The following PM20D2 variants were observed in gnomAD, a reference collection of about 807,000 sequenced individuals.
The protein encoded by PM20D2 is xaa-Arg dipeptidase.
A neutral mutation model predicts 42.9 loss-of-function variants in PM20D2; 33 were observed. The ratio of observed to expected loss-of-function variants is 0.77; its 90% confidence interval spans 0.58 to 1.03. The LOEUF (loss-of-function observed/expected upper bound fraction) is 1.03. Ranked by LOEUF, PM20D2 falls within the 50% of genes least tolerant of loss-of-function variation. The pLI, the probability that PM20D2 is intolerant of heterozygous loss-of-function variation, is 0.00. For missense variants in PM20D2, 548 were observed against 557.0 expected (o/e 0.98, Z 0.16); for synonymous variants, 250 against 228.2 (o/e 1.10, Z -0.86).
the PM20D2 span, among the ~76,000 whole-genome samples, chr6:89,121,254 A>G: frequency 1.5e-3 from 227 of 150,922 alleles, no homozygotes; most frequent in African/African-American, 5.2e-3. Flanking sequence ...AATTATTTAT[A>G]TTACATAAAA....
the PM20D2 span, among the ~76,000 whole-genome samples, chr6:89,108,129 C>G: frequency 6.6e-6 from 1 of 152,148 alleles, no homozygotes; most frequent in African/African-American, 2.4e-5. Context: ...GTATTTCGAG[C>G]CTGCTTATGT....
chr6:89,129,810 G>T, the PM20D2 span, among the ~76,000 whole-genome samples: 2 of 152,028 alleles, frequency 1.3e-5, no homozygotes, highest in South Asian at 4.2e-4. Flanking sequence ...TACCAGGCTG[G>T]TCTCAAACTT....
At chr6:89,130,448 T>C in the PM20D2 span, among the ~76,000 whole-genome samples, 4 of 152,078 alleles carry the variant, frequency 2.6e-5, no homozygotes, top group Non-Finnish European at 4.4e-5. Flanking sequence ...ATAATATGTG[T>C]GCAATTTGAT....
the PM20D2 span, among the ~76,000 whole-genome samples, chr6:89,112,710 C>T: frequency 3.9e-5 from 6 of 151,962 alleles, no homozygotes; most frequent in African/African-American, 7.2e-5. Context: ...CTGAGCCTGG[C>T]CCTAGTCTCA....
intron 6 of PM20D2, 33 bp from the exon 7 acceptor site, chr6:89,162,076 G>A (rs1582356074): frequency 6.3e-7 from 1 of 1,587,256 alleles, no homozygotes. Context: ...GCTTAAATAA[G>A]TAAGGAGGTA....
At chr6:89,103,739 C>T in the PM20D2 span, among the ~76,000 whole-genome samples, 25 of 151,884 alleles carry the variant, frequency 1.6e-4, no homozygotes, top group Non-Finnish European at 3.4e-4. Flanking sequence ...GGATTACAGG[C>T]GTGAGCCACT....
At chr6:89,101,064 G>A in the PM20D2 span, among the ~76,000 whole-genome samples, 2 of 149,734 alleles carry the variant, frequency 1.3e-5, no homozygotes, top group African/African-American at 2.5e-5. Context: ...AGCCAAGATC[G>A]TGCCATTGCA....
the PM20D2 span, among the ~76,000 whole-genome samples, chr6:89,117,635 G>C: frequency 6.6e-6 from 1 of 152,120 alleles, no homozygotes; most frequent in Non-Finnish European, 1.5e-5. Context: ...GGAGGGCGGA[G>C]GCGCGAGTTC....
At position 89,162,684 on chromosome 6, in the gene PM20D2, A is replaced by T. The variant is rs1771285499; in HGVS notation, c.*421A>T. ...TATATTCAGAATTGACACCCATGAG[A>T]GTGTTTTGTGGTATAGGGTGGTAAA... is the stretch of plus-strand genomic sequence containing the variant. On this transcript the variant is annotated 3_prime_UTR_variant, in exon 7 of 7. Transcript: ENST00000275072. The T allele has an allele frequency of 6.4e-6, 1 of 156,568 alleles. No homozygotes were observed. Among genetic ancestry groups the T allele is most frequent in the African/African-American group, 2.4e-5 (1 of 41,438 alleles). 9.7% of individuals were successfully genotyped at this position (156,568 alleles called of 1,614,324 possible).
chr6:89,110,994 C>A, the PM20D2 span, among the ~76,000 whole-genome samples: 1 of 152,036 alleles, frequency 6.6e-6, no homozygotes, highest in Non-Finnish European at 1.5e-5. Flanking sequence ...TGTCTATAAT[C>A]CCAGCTACTT....
At chr6:89,134,918 G>T in the PM20D2 span, among the ~76,000 whole-genome samples, 4 of 151,080 alleles carry the variant, frequency 2.6e-5, no homozygotes, top group Admixed American at 2.6e-4. Flanking sequence ...AAATTACCCT[G>T]CTGTGAGTCA....
At chr6:89,134,183 G>T in the PM20D2 span, among the ~76,000 whole-genome samples, 1 of 150,918 alleles carries the variant, frequency 6.6e-6, no homozygotes, top group Non-Finnish European at 1.5e-5. Flanking sequence ...ACCATTAGAG[G>T]GTAATTAACC....
the PM20D2 span, among the ~76,000 whole-genome samples, chr6:89,134,889 T>C: frequency 6.6e-6 from 1 of 151,138 alleles, no homozygotes; most frequent in Non-Finnish European, 1.5e-5. Context: ...GGCTGATTTC[T>C]TGGGTAGCTC....
the PM20D2 span, among the ~76,000 whole-genome samples, chr6:89,125,087 G>C: frequency 6.6e-6 from 1 of 152,016 alleles, no homozygotes; most frequent in East Asian, 1.9e-4. Flanking sequence ...TGTTTAATAA[G>C]GATATTCTGA....
chr6:89,114,257 G>A, the PM20D2 span, among the ~76,000 whole-genome samples: 288 of 152,140 alleles, frequency 1.9e-3, 3 homozygotes, highest in African/African-American at 6.3e-3. Context: ...ATGAAACCCC[G>A]TCTCTACTAA....
chr6:89,134,285 C>A, the PM20D2 span, among the ~76,000 whole-genome samples: 1 of 151,172 alleles, frequency 6.6e-6, no homozygotes, highest in Non-Finnish European at 1.5e-5. Context: ...TAGCTAAACT[C>A]CTCTACATTC....
chr6:89,162,511 T>TA lies in PM20D2; in HGVS notation c.*249dup, dbSNP rs1554187708. ...TGTGATGCCATTCTTTCTTTTTTTTTACCCCGCAACCACTCACCTTCACAG... is the reference window on the plus strand; with the variant it reads ...TGTGATGCCATTCTTTCTTTTTTTTTAACCCCGCAACCACTCACCTTCACAG... On this transcript the variant is annotated 3_prime_UTR_variant, in exon 7 of 7. Transcript: ENST00000275072. 6.3e-6 allele frequency: 2 copies of TA among 316,308 alleles called. No individual in the cohort carries two copies. The highest frequency in any genetic ancestry group is 1.2e-4 in the East Asian group (2 of 16,908). The allele number at this position is 316,308 out of a possible 1,614,324, so 19.6% of individuals were successfully genotyped here. A position where few individuals can be genotyped will look rare whatever the true frequency, so the allele number is the denominator to read the frequency against.
At chr6:89,117,461 G>A in the PM20D2 span, among the ~76,000 whole-genome samples, 5 of 152,178 alleles carry the variant, frequency 3.3e-5, no homozygotes, top group Non-Finnish European at 5.9e-5. Flanking sequence ...TGAAACGCGG[G>A]CACTCGCTGG....
At chr6:89,109,578 A>C in the PM20D2 span, among the ~76,000 whole-genome samples, 27 of 152,306 alleles carry the variant, frequency 1.8e-4, no homozygotes, top group African/African-American at 6.3e-4. Flanking sequence ...ATAATATAAA[A>C]GAGGAGGCTG....
Sources: allele counts gnomAD v4.1 joint callset (sites outside exome capture counted in the v4.1 genomes callset), GRCh38; gene constraint gnomAD v4.1.1; transcripts MANE v1.5; gene names NCBI Gene and HGNC (gene_info 2026-07-23, HGNC 2026-07-21).